Variants in AHNAK observed in about 807,000 individuals in gnomAD.
AHNAK encodes AHNAK nucleoprotein, also known as neuroblast differentiation-associated protein AHNAK.
A neutral mutation model predicts 37.8 loss-of-function variants in AHNAK; 23 were observed. That is an observed-to-expected ratio of 0.61 (90% CI 0.44 to 0.86). AHNAK has a LOEUF of 0.86. AHNAK is among the 40% of genes least tolerant of loss of function. AHNAK has a pLI of 0.00. For synonymous variants in AHNAK, 2,481 were observed against 2,636.3 expected (o/e 0.94, Z 1.80); for missense variants, 7,411 against 7,319.4 (o/e 1.01, Z -0.46).
At chr11:62,444,317 G>A (rs1043868051) in intron 5 of AHNAK, among the ~76,000 whole-genome samples, 8 of 152,160 alleles carry the variant, frequency 5.3e-5, no homozygotes, top group Non-Finnish European at 7.3e-5. Context: ...AAACACCACC[G>A]GCCCTGTGAG....
intron 5 of AHNAK, among the ~76,000 whole-genome samples, chr11:62,439,387 C>T (rs988217962): frequency 6.6e-6 from 1 of 151,618 alleles, no homozygotes; most frequent in Non-Finnish European, 1.5e-5. Context: ...TGAGCCACCG[C>T]GCCTGGGCAG....
chr11:62,440,878 T>C (rs1316244082), intron 5 of AHNAK, among the ~76,000 whole-genome samples: 1 of 152,094 alleles, frequency 6.6e-6, no homozygotes. Context: ...ATAAATACTA[T>C]AGGGTGGCTG....
At chr11:62,458,205 A>G (rs1938709397) in intron 5 of AHNAK, among the ~76,000 whole-genome samples, 1 of 152,178 alleles carries the variant, frequency 6.6e-6, no homozygotes, top group Non-Finnish European at 1.5e-5. Flanking sequence ...GGCGTGAGCC[A>G]CTGCACTGGG....
chr11:62,528,021 T>A lies in AHNAK; in HGVS notation c.6396A>T (p.Lys2132Asn). ...VDLHLKGPKV[K>N]GDVDVSLPKL... The stretch of plus-strand genomic sequence containing the variant: ...TTGGCAAAGACACATCCACATCCCC[T>A]TTGACTTTGGGGCCTTTCAAGTGTA... The change falls in exon 5 of 5, where the codon AAA (lysine) becomes AAT (asparagine). Residue 2132 changes from lysine (K) to asparagine (N), a missense_variant. By Grantham distance (94) the Lys-to-Asn change is moderately conservative. Transcript: ENST00000378024. 4.3e-6 allele frequency: 7 copies of A among 1,613,910 alleles called. No individual in the cohort carries two copies. The highest frequency in any genetic ancestry group is 5.9e-6 in the Non-Finnish European group (7 of 1,179,980).
chr11:62,522,844 C>T lies in AHNAK; in HGVS notation c.11573G>A (p.Gly3858Asp). The T allele has an allele frequency of 6.2e-7, 1 of 1,613,056 alleles. No individual in the cohort carries two copies. The highest frequency in any genetic ancestry group is 8.5e-7 in the Non-Finnish European group (1 of 1,179,846). Residue 3858 changes from glycine (G) to aspartate (D), a missense_variant, in exon 5 of 5, where the codon GGT becomes GAT. Physicochemically the swap from Gly to Asp is moderately conservative, Grantham distance 94. Coordinates refer to ENST00000378024, the MANE Select transcript of AHNAK (RefSeq NM_001620.3). ...CATCTCAGGCATCTTGAATTTGGGA[C>T]CTTTCAACTTTCCCTCTGGGCCTTC... ...NIEGPEGKLKGPKFKMPEMNI... is the reference protein window; with the variant it reads ...NIEGPEGKLKDPKFKMPEMNI...
At position 62,516,287 on chromosome 11, in the gene AHNAK, C is replaced by A. The variant is rs1268170577; in HGVS notation, c.*457G>T. The stretch of plus-strand genomic sequence containing the variant: ...CGTTTGCTGTTTGAACAGATCCAGT[C>A]TCAGGAAAGAGGAAGACCTGACCTC... On this transcript the variant is annotated 3_prime_UTR_variant, in exon 5 of 5. Transcript: ENST00000378024. 5 of 1,289,234 alleles carry A rather than the reference C, an allele frequency of 3.9e-6. No homozygotes were observed. The highest frequency in any genetic ancestry group is 5.1e-6 in the Non-Finnish European group (5 of 988,828). The allele number at this position is 1,289,234 out of a possible 1,614,324, so 79.9% of individuals were successfully genotyped here. A position where few individuals can be genotyped will look rare whatever the true frequency, so the allele number is the denominator to read the frequency against.
chr11:62,455,606 G>A (rs762339655), intron 5 of AHNAK, among the ~76,000 whole-genome samples: 6 of 152,136 alleles, frequency 3.9e-5, no homozygotes, highest in Non-Finnish European at 8.8e-5. Flanking sequence ...TCAGGAGGCT[G>A]AGGCAGGAGA....
At chr11:62,449,929 C>T (rs968608608) in intron 5 of AHNAK, among the ~76,000 whole-genome samples, 2 of 152,044 alleles carry the variant, frequency 1.3e-5, no homozygotes, top group Admixed American at 6.6e-5. Context: ...AAAGTCAACT[C>T]GTGTCTTTTT....
chr11:62,515,861 G>A (rs1295924141), downstream of AHNAK: 2 of 1,099,230 alleles, frequency 1.8e-6, no homozygotes, highest in Non-Finnish European at 2.2e-6. Context: ...GCTTCCCCAG[G>A]TTTCACGCCC....
At chr11:62,434,343 T>C (rs1938114314) in intron 5 of AHNAK, among the ~76,000 whole-genome samples, 1 of 152,180 alleles carries the variant, frequency 6.6e-6, no homozygotes, top group African/African-American at 2.4e-5. Flanking sequence ...TCATGAACCC[T>C]TTCTGCTTCA....
At chr11:62,475,555 G>C (rs1939125324) in intron 5 of AHNAK, among the ~76,000 whole-genome samples, 1 of 146,770 alleles carries the variant, frequency 6.8e-6, no homozygotes, top group Admixed American at 6.8e-5. Flanking sequence ...GTTGAAATTT[G>C]CGTTTGATAT....
At position 62,522,222 on chromosome 11, in the gene AHNAK, C is replaced by T. The variant is rs1479524390; in HGVS notation, c.12195G>A (p.Met4065Ile). 6.2e-7 allele frequency: 1 copy of T among 1,613,176 alleles called. No individual in the cohort carries two copies. The highest frequency in any genetic ancestry group is 1.7e-5 in the Admixed American group (1 of 59,876). ...DWHLKMPKVKMPKFSMPGFKG... is the reference protein window; with the variant it reads ...DWHLKMPKVKIPKFSMPGFKG... The stretch of plus-strand genomic sequence containing the variant: ...TAAATCCTGGCATGCTGAATTTGGG[C>T]ATTTTCACCTTGGGCATCTTCAGGT... Residue 4065 changes from methionine to isoleucine, a missense_variant, in exon 5 of 5, where the codon ATG becomes ATA. Met to Ile is a conservative substitution (Grantham distance 10). Coordinates refer to ENST00000378024, the MANE Select transcript of AHNAK (RefSeq NM_001620.3).
chr11:62,532,960 G>C lies in AHNAK; in HGVS notation c.1457C>G (p.Thr486Ser). ...AATCATTTCAGGAGTCTTCACTTTA[G>C]TACCTTTCATCTTTCCTTCCAGCCC... ...TGGLEGKMKG[T>S]KVKTPEMIIQ... Residue 486 changes from threonine (T) to serine (S), a missense_variant, in exon 5 of 5, where the codon ACT becomes AGT. Transcript: ENST00000378024. The C allele has an allele frequency of 6.2e-7, 1 of 1,614,122 alleles. No homozygotes were observed.
chr11:62,517,195 C>T lies in AHNAK; in HGVS notation c.17222G>A (p.Gly5741Asp), dbSNP rs765746929. Reference sequence around the variant, plus strand: ...GCTGGCCTTTGAACTTTTCAGGTCACCTTTGGACCCAGAAATTGATGCTTC... The same window carrying T: ...GCTGGCCTTTGAACTTTTCAGGTCATCTTTGGACCCAGAAATTGATGCTTC... Reference protein sequence around the residue: ...SPEASISGSKGDLKSSKASLG... With the variant: ...SPEASISGSKDDLKSSKASLG... The change falls in exon 5 of 5, where the codon GGT becomes GAT. Residue 5741 changes from glycine to aspartate, a missense_variant. Physicochemically the swap from Gly to Asp is moderately conservative, Grantham distance 94. Transcript: ENST00000378024. 32 of 1,613,966 alleles carry T rather than the reference C, an allele frequency of 2.0e-5. No individual in the cohort carries two copies. In the African/African-American group the frequency reaches 2.4e-4, roughly 12 times the overall value.
intron 5 of AHNAK, among the ~76,000 whole-genome samples, chr11:62,448,850 A>G (rs1002614532): frequency 4.6e-5 from 7 of 152,304 alleles, no homozygotes; most frequent in African/African-American, 1.7e-4. Context: ...TGGGCGGATC[A>G]CAAGGTCAGG....
At chr11:62,462,903 G>A (rs1196406573) in intron 5 of AHNAK, among the ~76,000 whole-genome samples, 2 of 152,282 alleles carry the variant, frequency 1.3e-5, no homozygotes, top group South Asian at 2.1e-4. Context: ...GGCTGAGGCA[G>A]GCCAGTCACC....
Position 62,533,426 on chromosome 11 carries a change from C to T in AHNAK, c.991G>A (p.Val331Ile). 6.2e-7 allele frequency: 1 copy of T among 1,611,786 alleles called. No homozygotes were observed. Among genetic ancestry groups the T allele is most frequent in the Non-Finnish European group, 8.5e-7 (1 of 1,178,692 alleles). The change falls in exon 5 of 5, where the codon GTT becomes ATT. Residue 331 changes from valine to isoleucine, a missense_variant. Val to Ile is a conservative substitution (Grantham distance 29). Coordinates refer to ENST00000378024, the MANE Select transcript of AHNAK (RefSeq NM_001620.3). ...CCCACAGAGACTTCAGGTGCAGAAA[C>T]CCTCAGCCCTGCCTTTGGTGTCTGG... is the stretch of plus-strand genomic sequence containing the variant. ...EGQTPKAGLRVSAPEVSVGHK... is the reference protein window; with the variant it reads ...EGQTPKAGLRISAPEVSVGHK...
chr11:62,538,574 C>T (rs1297055366), intron 1 of AHNAK, among the ~76,000 whole-genome samples: 2 of 152,202 alleles, frequency 1.3e-5, no homozygotes, highest in Non-Finnish European at 2.9e-5. Flanking sequence ...TGCATGTATA[C>T]CGGCTGCCTC....
Position 62,518,803 on chromosome 11 carries a change from C to A in AHNAK, c.15614G>T (p.Gly5205Val). ...SIPDVNVNLK[G>V]PKIKGDVPSV... ...GGGGACATCACCCTTTATCTTTGGT[C>A]CTTTCAAGTTTACATTCACATCAGG... Residue 5205 changes from glycine to valine, a missense_variant, in exon 5 of 5, where the codon GGA becomes GTA. Physicochemically the swap from Gly to Val is moderately radical, Grantham distance 109 (BLOSUM62 -3). Coordinates refer to ENST00000378024, the MANE Select transcript of AHNAK (RefSeq NM_001620.3). 6.2e-7 allele frequency: 1 copy of A among 1,614,228 alleles called. No homozygotes were observed. Among genetic ancestry groups the A allele is most frequent in the Non-Finnish European group, 8.5e-7 (1 of 1,180,052 alleles).
Sources: allele counts gnomAD v4.1 joint callset (sites outside exome capture counted in the v4.1 genomes callset), GRCh38; gene constraint gnomAD v4.1.1; transcripts MANE v1.5; gene names NCBI Gene and HGNC (gene_info 2026-07-23, HGNC 2026-07-21).